The following SH3KBP1 variants were observed in gnomAD, a reference collection of about 807,000 sequenced individuals.
SH3KBP1 encodes the protein SH3 domain-containing kinase-binding protein 1.
SH3KBP1 carries 8 observed loss-of-function variants against 50.1 expected under a neutral mutation model. That is an observed-to-expected ratio of 0.16 (90% confidence interval 0.09 to 0.29). The LOEUF (loss-of-function observed/expected upper bound fraction) is 0.29, where lower values mean the gene tolerates loss of function less well. Ranked by LOEUF, SH3KBP1 falls within the 10% of genes least tolerant of loss-of-function variation. The pLI is 1.00. For synonymous variants in SH3KBP1, 227 were observed against 218.6 expected, an observed-to-expected ratio of 1.04 and a Z score of -0.34; for missense variants, 377 against 535.2, an observed-to-expected ratio of 0.70 and a Z score of 2.92.
At chrX:19,643,319 T>A (rs1424499103) in intron 7 of SH3KBP1, among the ~76,000 whole-genome samples, 1 of 86,973 alleles carries the variant, frequency 1.1e-5, no homozygotes, top group Non-Finnish European at 2.1e-5. Context: ...TTTTTTTTTT[T>A]TTATTTTTTT....
intron 2 of SH3KBP1, among the ~76,000 whole-genome samples, chrX:19,750,905 A>G (rs1272954288): frequency 8.9e-6 from 1 of 111,743 alleles, no homozygotes; most frequent in African/African-American, 3.3e-5. Flanking sequence ...AGAAGATGCA[A>G]GATCAGATGA....
chrX:19,657,456 A>C, intron 6 of SH3KBP1, among the ~76,000 whole-genome samples: 1 of 109,412 alleles, frequency 9.1e-6, no homozygotes, highest in Non-Finnish European at 1.9e-5. Context: ...TTGGCCGGGC[A>C]TGGTGGCTCA....
chrX:19,649,207 G>A (rs1010105066), intron 6 of SH3KBP1, among the ~76,000 whole-genome samples: 1 of 111,817 alleles, frequency 8.9e-6, no homozygotes, highest in Non-Finnish European at 1.9e-5. Flanking sequence ...GCTTATCCAC[G>A]ACAAACACCA....
At position 19,779,890 on chromosome X, in the gene SH3KBP1, G is replaced by A. The variant is rs1475457851; in HGVS notation, c.163-33449C>T. Among the ~76,000 whole-genome samples, 238 of 104,932 alleles carry A rather than the reference G, an allele frequency of 2.3e-3. 1 individual carries two copies. The highest frequency in any genetic ancestry group is 7.9e-3 in the African/African-American group (226 of 28,717). The allele number at this position is 104,932 out of a possible 115,157, so 91.1% of individuals were successfully genotyped here. ...GTGAATAATGCCGCAATAAACATAC[G>A]TGTGCATGTGTCTTTATAGCAGCAT... On this transcript the variant is annotated intron_variant, in intron 2 of 17. Coordinates refer to ENST00000397821, the MANE Select transcript of SH3KBP1 (RefSeq NM_031892.3).
intron 7 of SH3KBP1, among the ~76,000 whole-genome samples, 155 bp from the exon 8 acceptor site, chrX:19,632,113 A>G (rs1369458761): frequency 2.7e-5 from 3 of 111,621 alleles, no homozygotes; most frequent in African/African-American, 9.8e-5. Context: ...TCAGAAAATG[A>G]CCCGAGAGTG....
chrX:19,887,569 C>G lies in SH3KBP1; in HGVS notation c.-259G>C. 3 of 117,180 alleles carry G rather than the reference C, an allele frequency of 2.6e-5. No homozygotes were observed. The highest frequency in any genetic ancestry group is 4.7e-5 in the Non-Finnish European group (3 of 63,419). 9.7% of individuals were successfully genotyped at this position (117,180 alleles called of 1,213,427 possible). A position where few individuals can be genotyped will look rare whatever the true frequency, so the allele number is the denominator to read the frequency against. ...CGCGGCCCAATGCGCCCGGCTGCGC[C>G]GGGTTTCCTGCTCCCCGCGAGTGGA... On this transcript the variant is annotated 5_prime_UTR_variant, in exon 1 of 18. Transcript: ENST00000397821.
Position 19,882,286 on chromosome X carries a change from C to A in SH3KBP1, c.4+5021G>T, listed in dbSNP as rs773062420. On this transcript the variant is annotated intron_variant, in intron 1 of 17. Coordinates refer to ENST00000397821, the MANE Select transcript of SH3KBP1 (RefSeq NM_031892.3). The stretch of plus-strand genomic sequence containing the variant: ...CCCCAGATGCCCACATCCTAAAGCC[C>A]AGGATGTGTGAATATTAGGTTACAA... Among the ~76,000 whole-genome samples, 16 of 110,588 alleles carry A rather than the reference C, an allele frequency of 1.4e-4. No individual in the cohort carries two copies. The South Asian group carries it at 4.3e-3, about 30-fold the overall frequency.
intron 4 of SH3KBP1, among the ~76,000 whole-genome samples, chrX:19,700,946 C>T (rs1429053524): frequency 8.9e-6 from 1 of 112,046 alleles, no homozygotes; most frequent in Non-Finnish European, 1.9e-5. Context: ...ACATGAGAGG[C>T]GGCCCTCGAA....
intron 6 of SH3KBP1, among the ~76,000 whole-genome samples, chrX:19,660,166 T>A (rs1036981092): frequency 8.9e-6 from 1 of 112,482 alleles, no homozygotes; most frequent in African/African-American, 3.2e-5. Context: ...TGCAATCTTG[T>A]GGAAGCTACT....
chrX:19,819,247 G>C (rs1241822901), intron 2 of SH3KBP1, among the ~76,000 whole-genome samples: 1 of 111,939 alleles, frequency 8.9e-6, no homozygotes, highest in Non-Finnish European at 1.9e-5. Flanking sequence ...AATCTGTAAT[G>C]ATATCACCTG....
In SH3KBP1 at chrX:19,535,360, C is replaced by T. The variant is rs2064680067; in HGVS notation, c.*1057G>A. On this transcript the variant is annotated 3_prime_UTR_variant, in exon 18 of 18. Coordinates refer to ENST00000397821, the MANE Select transcript of SH3KBP1 (RefSeq NM_031892.3). ...TGTGAATACAGTTTAAACGATAACA[C>T]ACACGGGTAACCCAGTGCAGGAAAT... The T allele has an allele frequency of 6.2e-6, 1 of 161,011 alleles. No individual in the cohort carries two copies. Among genetic ancestry groups the T allele is most frequent in the Non-Finnish European group, 1.2e-5 (1 of 84,391 alleles). 13.3% of individuals were successfully genotyped at this position (161,011 alleles called of 1,213,427 possible). A position where few individuals can be genotyped will look rare whatever the true frequency, so the allele number is the denominator to read the frequency against.
At chrX:19,691,428 TTA>T (rs756177568) in intron 5 of SH3KBP1, among the ~76,000 whole-genome samples, 56 of 99,845 alleles carry the variant, frequency 5.6e-4, no homozygotes, top group African/African-American at 1.3e-3. Flanking sequence ...ATATTCAGGT[TTA>T]TATATATATA....
intron 10 of SH3KBP1, among the ~76,000 whole-genome samples, chrX:19,593,251 T>C (rs938632341): frequency 2.7e-5 from 3 of 111,475 alleles, no homozygotes; most frequent in Non-Finnish European, 3.8e-5. Flanking sequence ...ACTCTTTACA[T>C]GACCAGTTCC....
chrX:19,855,876 T>A (rs2068630329), intron 1 of SH3KBP1, among the ~76,000 whole-genome samples: 2 of 111,703 alleles, frequency 1.8e-5, no homozygotes, highest in Admixed American at 9.5e-5. Flanking sequence ...ATTTTTTTTT[T>A]AAACTTTCCT....
chrX:19,779,517 G>A (rs1220830292), intron 2 of SH3KBP1, among the ~76,000 whole-genome samples: 5 of 101,085 alleles, frequency 4.9e-5, no homozygotes, highest in African/African-American at 1.4e-4. Context: ...ATGCTGGTGC[G>A]CTGCACCCAC....
At chrX:19,799,550 C>T in intron 2 of SH3KBP1, 2 of 992,302 alleles carry the variant, frequency 2.0e-6, no homozygotes, top group East Asian at 6.1e-5. Flanking sequence ...TCATGCCTCC[C>T]TCCTGGCCTA....
intron 1 of SH3KBP1, among the ~76,000 whole-genome samples, chrX:19,860,889 CATAGT>C: frequency 9.0e-6 from 1 of 111,405 alleles, no homozygotes; most frequent in East Asian, 2.8e-4. Context: ...TATAGTATAG[CATAGT>C]ATAGTATTTA....
At chrX:19,695,806 T>C in intron 4 of SH3KBP1, 65 bp from the exon 5 acceptor site, 1 of 1,106,558 alleles carries the variant, frequency 9.0e-7, no homozygotes, top group Non-Finnish European at 1.2e-6. Flanking sequence ...GTTTCCAATT[T>C]TGCCTCCCAT....
chrX:19,789,838 T>A (rs897414351), intron 2 of SH3KBP1, among the ~76,000 whole-genome samples: 1 of 110,264 alleles, frequency 9.1e-6, no homozygotes, highest in African/African-American at 3.3e-5. Flanking sequence ...TCACACTGCC[T>A]GCCCCCTAAA....
Sources: allele counts gnomAD v4.1 joint callset (sites outside exome capture counted in the v4.1 genomes callset), GRCh38; gene constraint gnomAD v4.1.1; transcripts MANE v1.5; gene names NCBI Gene and HGNC (gene_info 2026-07-23, HGNC 2026-07-21).